CEP57: variants seen among roughly 807,000 people sequenced by gnomAD.
CEP57 encodes centrosomal protein of 57 kDa.
CEP57 carries 40 observed loss-of-function variants against 68.0 expected under a neutral mutation model. The ratio of observed to expected loss-of-function variants is 0.59; its 90% CI spans 0.46 to 0.77. CEP57 has a LOEUF of 0.77. CEP57 is among the 30% of genes least tolerant of loss of function. The probability of loss-of-function intolerance (pLI) is 0.00; values close to 1 mark genes in which losing one functional copy is unlikely to be tolerated. For missense variants in CEP57, 606 were observed against 580.7 expected (o/e 1.04, Z -0.45); for synonymous variants, 219 against 198.7 (o/e 1.10, Z -0.86).
intron 3 of CEP57, 33 bp from the exon 4 acceptor site, chr11:95,813,435 T>C: frequency 6.2e-7 from 1 of 1,605,558 alleles, no homozygotes; most frequent in Non-Finnish European, 8.5e-7. Flanking sequence ...TATGGGTGAG[T>C]TGATTTCTGC....
chr11:95,812,521 C>T (rs1862112548), intron 2 of CEP57, among the ~76,000 whole-genome samples: 1 of 151,996 alleles, frequency 6.6e-6, no homozygotes, highest in Non-Finnish European at 1.5e-5. Flanking sequence ...CCCCTCCACA[C>T]TCCCCACCCC....
chr11:95,794,761 C>G (rs527294639), intron 1 of CEP57, among the ~76,000 whole-genome samples: 1 of 152,192 alleles, frequency 6.6e-6, no homozygotes, highest in African/African-American at 2.4e-5. Flanking sequence ...CTTCCTTTCT[C>G]CAAGGCCTTG....
upstream of CEP57, chr11:95,790,100 A>C: frequency 6.3e-6 from 1 of 158,812 alleles, no homozygotes; most frequent in South Asian, 1.6e-4. Context: ...TATTGGACTA[A>C]ATCGTTAAGT....
chr11:95,799,339 A>G lies in CEP57; in HGVS notation c.153A>G (p.Arg51=), dbSNP rs1489744832. ...AGCCTTTCCTTAATAGTGATCTACG[A>G]CGCTCCCCAAGTAAGCCTACACTTG... is the stretch of plus-strand genomic sequence containing the variant. ...SDKPFLNSDL[R]RSPSKPTLAY... Residue 51 remains arginine, a synonymous_variant, in exon 2 of 11, where the codon CGA becomes CGG. Transcript: ENST00000325542. The G allele has an allele frequency of 1.2e-6, 2 of 1,614,008 alleles. No homozygotes were observed. Among genetic ancestry groups the G allele is most frequent in the Non-Finnish European group, 1.7e-6 (2 of 1,180,002 alleles).
At chr11:95,795,733 G>A (rs993446794) in intron 1 of CEP57, among the ~76,000 whole-genome samples, 1 of 152,102 alleles carries the variant, frequency 6.6e-6, no homozygotes, top group Non-Finnish European at 1.5e-5. Context: ...ATTTGTTGAC[G>A]ATCGTATTGA....
chr11:95,807,834 G>T (rs2135294966), intron 2 of CEP57, among the ~76,000 whole-genome samples: 1 of 152,222 alleles, frequency 6.6e-6, no homozygotes, highest in Non-Finnish European at 1.5e-5. Flanking sequence ...ATCTAGGAAG[G>T]CAGGCCAACA....
At chr11:95,804,870 T>G (rs985881645) in intron 2 of CEP57, among the ~76,000 whole-genome samples, 2 of 152,196 alleles carry the variant, frequency 1.3e-5, no homozygotes, top group African/African-American at 4.8e-5. Flanking sequence ...GGGTGTGATT[T>G]TTTTCCTTTT....
At chr11:95,805,425 G>T (rs1413518586) in intron 2 of CEP57, among the ~76,000 whole-genome samples, 4 of 151,986 alleles carry the variant, frequency 2.6e-5, no homozygotes, top group African/African-American at 9.7e-5. Context: ...TTATATTGTA[G>T]TCTCATTGCA....
intron 10 of CEP57, among the ~76,000 whole-genome samples, chr11:95,830,389 T>C (rs912172455): frequency 1.3e-5 from 2 of 152,222 alleles, no homozygotes; most frequent in Non-Finnish European, 2.9e-5. Flanking sequence ...TAAGGAGTAA[T>C]GGTCTAATTT....
chr11:95,799,528 G>A, intron 2 of CEP57, 140 bp downstream of exon 2: 2 of 1,008,568 alleles, frequency 2.0e-6, no homozygotes, highest in East Asian at 5.1e-5. Context: ...AAAATATTAT[G>A]CTTTTCTTGT....
chr11:95,800,668 G>T (rs901213653), intron 2 of CEP57, among the ~76,000 whole-genome samples: 5 of 152,302 alleles, frequency 3.3e-5, no homozygotes, highest in Admixed American at 3.3e-4. Flanking sequence ...GGGATTACAG[G>T]CATGAGCTAC....
chr11:95,817,774 T>C lies in CEP57; in HGVS notation c.505-13T>C. 1 of 1,544,092 alleles carries C rather than the reference T, an allele frequency of 6.5e-7. No individual in the cohort carries two copies. The highest frequency in any genetic ancestry group is 9.0e-7 in the Non-Finnish European group (1 of 1,116,372). On this transcript the variant is annotated splice_polypyrimidine_tract_variant and intron_variant, in intron 4 of 10. Transcript: ENST00000325542. The stretch of plus-strand genomic sequence containing the variant: ...TGTCAAATTATCAAGCCGTATTGAA[T>C]ATTGTTTTTCAGGTTTCCCTAGAAA...
chr11:95,792,091 A>G (rs770463983), intron 1 of CEP57, among the ~76,000 whole-genome samples: 2 of 152,208 alleles, frequency 1.3e-5, no homozygotes, highest in Non-Finnish European at 2.9e-5. Context: ...GAAGTATTAC[A>G]GTGTTTCAGC....
chr11:95,809,382 A>G (rs191636164), intron 2 of CEP57, among the ~76,000 whole-genome samples: 2,615 of 152,308 alleles, frequency 0.017, 36 homozygotes, highest in South Asian at 0.064. Context: ...TAGAGACACA[A>G]AAAACCCTTC....
At chr11:95,795,998 A>C (rs772174833) in intron 1 of CEP57, among the ~76,000 whole-genome samples, 1 of 152,204 alleles carries the variant, frequency 6.6e-6, no homozygotes, top group South Asian at 2.1e-4. Flanking sequence ...TTCCTTTACC[A>C]TACTGTTTTG....
intron 2 of CEP57, among the ~76,000 whole-genome samples, chr11:95,809,312 C>T (rs959722603): frequency 6.6e-5 from 10 of 152,128 alleles, no homozygotes; most frequent in African/African-American, 1.9e-4. Context: ...CAAGAGCAAA[C>T]ACATTCAAAA....
intron 2 of CEP57, among the ~76,000 whole-genome samples, chr11:95,803,791 T>C (rs1347159184): frequency 6.6e-6 from 1 of 152,080 alleles, no homozygotes; most frequent in Non-Finnish European, 1.5e-5. Context: ...TACTGAGTTT[T>C]AAGTTGAACC....
intron 8 of CEP57, 130 bp from the exon 9 acceptor site, chr11:95,827,656 G>T: frequency 9.9e-7 from 1 of 1,006,434 alleles, no homozygotes; most frequent in Non-Finnish European, 1.5e-6. Flanking sequence ...ACATCATGAT[G>T]AGAATAATTT....
intron 4 of CEP57, chr11:95,815,203 T>C (rs761158884): frequency 2.6e-5 from 4 of 152,192 alleles, no homozygotes; most frequent in Non-Finnish European, 5.9e-5. Flanking sequence ...TCAGTTCTCA[T>C]TGGAGAGAAT....
Sources: gnomAD v4.1 joint callset for allele counts (sites outside exome capture counted in the v4.1 genomes callset) on GRCh38, gnomAD v4.1.1 for gene constraint, MANE v1.5 for transcripts, NCBI Gene and HGNC (gene_info 2026-07-23, HGNC 2026-07-21) for gene names.